GALNTL6: variants seen among roughly 807,000 people sequenced by gnomAD.
The protein encoded by GALNTL6 is polypeptide N-acetylgalactosaminyltransferase like 6.
Under a neutral mutation model 73.7 loss-of-function variants are expected in GALNTL6, and 46 were observed. The observed-to-expected ratio is 0.62, with a 90% CI of 0.49 to 0.80. The LOEUF is 0.80. GALNTL6 is among the 30% of genes least tolerant of loss of function. GALNTL6 has a pLI of 0.00. For synonymous variants in GALNTL6, 259 were observed against 263.7 expected (o/e 0.98, Z 0.17); for missense variants, 604 against 755.0 (o/e 0.80, Z 2.34).
At chr4:172,983,651 C>T (rs549273607) in intron 10 of GALNTL6, among the ~76,000 whole-genome samples, 1 of 152,214 alleles carries the variant, frequency 6.6e-6, no homozygotes, top group African/African-American at 2.4e-5. Flanking sequence ...GTCAAGACTG[C>T]ACCATTGCAC....
Position 172,790,148 on chromosome 4 carries a change from G to A in GALNTL6, c.554-19213G>A, listed in dbSNP as rs960762051. On this transcript the variant is annotated intron_variant, in intron 5 of 12. Coordinates refer to ENST00000506823, the MANE Select transcript of GALNTL6 (RefSeq NM_001034845.3). ...CAGGTGAAGGTTATTCATCCAGGGC[G>A]TCTGCAGAAAAAGCTTTTGGTTCTG... Among the ~76,000 whole-genome samples the A allele has an allele frequency of 9.2e-5, 14 of 152,324 alleles. No individual in the cohort carries two copies. The East Asian group carries it at 2.5e-3, about 27-fold the overall frequency.
At chr4:172,456,287 C>T (rs999782247) in intron 5 of GALNTL6, among the ~76,000 whole-genome samples, 6 of 151,878 alleles carry the variant, frequency 4.0e-5, no homozygotes, top group Non-Finnish European at 7.4e-5. Context: ...ACCAGAACAC[C>T]TCTTCTCCTC....
At chr4:172,825,060 T>TTTC (rs977296605) in intron 7 of GALNTL6, among the ~76,000 whole-genome samples, 11 of 145,918 alleles carry the variant, frequency 7.5e-5, no homozygotes, top group Admixed American at 4.8e-4. Flanking sequence ...TTTTTTCTTT[T>TTTC]TTTTTTTTTT....
At chr4:172,523,625 A>C (rs1734857209) in intron 5 of GALNTL6, among the ~76,000 whole-genome samples, 1 of 152,074 alleles carries the variant, frequency 6.6e-6, no homozygotes, top group Admixed American at 6.6e-5. Flanking sequence ...TCAGCCTCCC[A>C]AAATGCTGGG....
chr4:172,429,371 C>T lies in GALNTL6; in HGVS notation c.553+80682C>T, dbSNP rs570316729. Reference sequence around the variant, plus strand: ...GGACTACAGGCGTGCACCACTACGCCTGGCTAATTTTTGTATTTTCAGTAG... The same window carrying T: ...GGACTACAGGCGTGCACCACTACGCTTGGCTAATTTTTGTATTTTCAGTAG... On this transcript the variant is annotated intron_variant, in intron 5 of 12. Transcript: ENST00000506823. Among the ~76,000 whole-genome samples, 143 of 152,048 alleles carry T rather than the reference C, an allele frequency of 9.4e-4. 1 individual carries two copies. The highest frequency in any genetic ancestry group is 3.3e-3 in the African/African-American group (136 of 41,474).
chr4:172,106,880 T>G (rs1292260131), intron 2 of GALNTL6, among the ~76,000 whole-genome samples: 1 of 152,218 alleles, frequency 6.6e-6, no homozygotes, highest in Non-Finnish European at 1.5e-5. Flanking sequence ...TTTGTTTGTT[T>G]GTTTGTTTTT....
At chr4:171,888,797 T>G (rs1313607731) in intron 2 of GALNTL6, among the ~76,000 whole-genome samples, 1 of 152,096 alleles carries the variant, frequency 6.6e-6, no homozygotes, top group Non-Finnish European at 1.5e-5. Flanking sequence ...ACAGAATACC[T>G]ACTAAAGAAG....
chr4:172,015,909 G>C (rs1019979471), intron 2 of GALNTL6, among the ~76,000 whole-genome samples: 6 of 133,830 alleles, frequency 4.5e-5, no homozygotes, highest in Non-Finnish European at 9.4e-5. Context: ...GAAATCAGCT[G>C]ATAATCTAAT....
At chr4:172,368,831 C>T (rs181632805) in intron 5 of GALNTL6, among the ~76,000 whole-genome samples, 5 of 151,400 alleles carry the variant, frequency 3.3e-5, no homozygotes, top group Admixed American at 3.3e-4. Context: ...TGTATCCAGA[C>T]TTTGTTCCTT....
intron 2 of GALNTL6, among the ~76,000 whole-genome samples, chr4:171,991,318 T>A (rs1342792035): frequency 1.3e-5 from 2 of 152,126 alleles, no homozygotes; most frequent in Admixed American, 6.5e-5. Flanking sequence ...TTCCAAAATG[T>A]ATGCCAAAAA....
At chr4:172,133,436 T>A (rs751409539) in intron 2 of GALNTL6, among the ~76,000 whole-genome samples, 1 of 152,260 alleles carries the variant, frequency 6.6e-6, no homozygotes, top group African/African-American at 2.4e-5. Context: ...AACATATTTA[T>A]TGAGCATCTA....
At position 172,373,301 on chromosome 4, in the gene GALNTL6, A is replaced by G. The variant is rs543584113; in HGVS notation, c.553+24612A>G. Among the ~76,000 whole-genome samples the G allele has an allele frequency of 1.8e-4, 28 of 152,320 alleles. No homozygotes were observed. In the East Asian group the frequency reaches 5.2e-3, roughly 28 times the overall value. On this transcript the variant is annotated intron_variant, in intron 5 of 12. Coordinates refer to ENST00000506823, the MANE Select transcript of GALNTL6 (RefSeq NM_001034845.3). Reference sequence around the variant, plus strand: ...GCATCCTTGAGGTCCAGAACAGTGAATCATTCTGCTTCCTCTGGTATTTGA... The same window carrying G: ...GCATCCTTGAGGTCCAGAACAGTGAGTCATTCTGCTTCCTCTGGTATTTGA...
chr4:172,007,772 A>G (rs10017159), intron 2 of GALNTL6, among the ~76,000 whole-genome samples: 149,360 of 152,204 alleles, frequency 0.98, 73,346 homozygotes, highest in Middle Eastern at 1. Flanking sequence ...GAGCCCATCC[A>G]GCATTCCTTT....
intron 2 of GALNTL6, among the ~76,000 whole-genome samples, chr4:171,823,723 C>G: frequency 6.6e-6 from 1 of 151,476 alleles, no homozygotes; most frequent in Non-Finnish European, 1.5e-5. Context: ...GGAAACCATA[C>G]AGCCACCTTG....
intron 2 of GALNTL6, among the ~76,000 whole-genome samples, chr4:172,173,020 A>T (rs185114843): frequency 6.6e-6 from 1 of 152,188 alleles, no homozygotes; most frequent in East Asian, 1.9e-4. Flanking sequence ...TGCCCACATC[A>T]TAGCAGCTTC....
At chr4:172,048,096 T>C (rs376835585) in intron 2 of GALNTL6, among the ~76,000 whole-genome samples, 20 of 152,232 alleles carry the variant, frequency 1.3e-4, no homozygotes, top group East Asian at 7.8e-4. Flanking sequence ...TGGCATATCA[T>C]AGAAACTCAA....
At chr4:172,780,426 T>C (rs780258986) in intron 5 of GALNTL6, among the ~76,000 whole-genome samples, 30 of 152,210 alleles carry the variant, frequency 2.0e-4, no homozygotes, top group Non-Finnish European at 3.1e-4. Flanking sequence ...TCATAACCTA[T>C]ACGAAGACTA....
At chr4:172,575,660 T>C (rs2110959930) in intron 5 of GALNTL6, among the ~76,000 whole-genome samples, 1 of 152,346 alleles carries the variant, frequency 6.6e-6, no homozygotes, top group South Asian at 2.1e-4. Context: ...TTTCTAATAT[T>C]TTGTCTGTAG....
intron 2 of GALNTL6, among the ~76,000 whole-genome samples, chr4:172,093,363 A>G (rs757953277): frequency 6.6e-6 from 1 of 152,040 alleles, no homozygotes; most frequent in Non-Finnish European, 1.5e-5. Context: ...TAACTTTTAG[A>G]TACTCTTTAA....
Sources: allele counts gnomAD v4.1 joint callset (sites outside exome capture counted in the v4.1 genomes callset), GRCh38; gene constraint gnomAD v4.1.1; transcripts MANE v1.5; gene names NCBI Gene and HGNC (gene_info 2026-07-23, HGNC 2026-07-21).